NCAM2: variants seen among roughly 807,000 people sequenced by gnomAD.
NCAM2 encodes the protein neural cell adhesion molecule 2, also known as N-CAM-2.
A neutral mutation model predicts 98.1 loss-of-function variants in NCAM2; 30 were observed. The ratio of observed to expected loss-of-function variants is 0.31; its 90% CI spans 0.23 to 0.41. The LOEUF (loss-of-function observed/expected upper bound fraction) is 0.41, where lower values mean the gene tolerates loss of function less well. Among genes scored for constraint, NCAM2 ranks in the 10% least tolerant of loss-of-function variants. The pLI is 1.00. For missense variants in NCAM2, 867 were observed against 1,005.8 expected (o/e 0.86, Z 1.87); for synonymous variants, 368 against 342.4 (o/e 1.07, Z -0.83).
At chr21:21,349,207 A>G (rs923448411) in intron 8 of NCAM2, among the ~76,000 whole-genome samples, 1 of 152,220 alleles carries the variant, frequency 6.6e-6, no homozygotes, top group Non-Finnish European at 1.5e-5. Flanking sequence ...ACCAGAATAT[A>G]TATGGAGCTC....
chr21:21,075,086 GA>G (rs2146380390), intron 1 of NCAM2, among the ~76,000 whole-genome samples: 1 of 152,198 alleles, frequency 6.6e-6, no homozygotes, highest in East Asian at 1.9e-4. Flanking sequence ...CTAACACAGG[GA>G]CAGAAAACCA....
chr21:21,448,576 A>G (rs117348038), intron 12 of NCAM2, among the ~76,000 whole-genome samples: 3,640 of 152,176 alleles, frequency 0.024, 54 homozygotes, highest in Middle Eastern at 0.048. Flanking sequence ...TTAAACTACT[A>G]TACAGATTTT....
chr21:21,335,423 G>T, intron 6 of NCAM2, 82 bp from the exon 7 acceptor site: 1 of 1,178,430 alleles, frequency 8.5e-7, no homozygotes, highest in African/African-American at 1.6e-5. Flanking sequence ...AGTCATCAAT[G>T]CCTATAGATT....
chr21:21,244,448 A>T (rs2071183596), intron 1 of NCAM2, among the ~76,000 whole-genome samples: 1 of 152,180 alleles, frequency 6.6e-6, no homozygotes. Flanking sequence ...AAATTTTGTT[A>T]TCGATAATAC....
At position 21,534,449 on chromosome 21, in the gene NCAM2, A is replaced by T. The variant is rs560692135; in HGVS notation, c.2283-88A>T. On this transcript the variant is annotated intron_variant, in intron 16 of 17. Transcript: ENST00000400546. ...AAGTTGGATTTATTTGGAGGAAGGT[A>T]GAATTGGGTGATTTTAAACTCTGTT... 3 of 1,104,544 alleles carry T rather than the reference A, an allele frequency of 2.7e-6. No individual in the cohort carries two copies. In the East Asian group the frequency reaches 8.3e-5, roughly 31 times the overall value. The allele number at this position is 1,104,544 out of a possible 1,614,324, so 68.4% of individuals were successfully genotyped here. A position where few individuals can be genotyped will look rare whatever the true frequency, so the allele number is the denominator to read the frequency against.
chr21:21,500,625 A>T (rs1987566156), intron 15 of NCAM2, among the ~76,000 whole-genome samples: 1 of 152,132 alleles, frequency 6.6e-6, no homozygotes. Context: ...ATATTTTGGA[A>T]TAATTTTTTT....
intron 1 of NCAM2, among the ~76,000 whole-genome samples, chr21:21,184,351 A>G (rs185078479): frequency 2.0e-5 from 3 of 152,014 alleles, no homozygotes; most frequent in Admixed American, 1.3e-4. Context: ...TCTTTTTATG[A>G]TATCTTCAAA....
chr21:21,001,812 G>A (rs890335000), intron 1 of NCAM2, among the ~76,000 whole-genome samples: 7 of 152,208 alleles, frequency 4.6e-5, no homozygotes, highest in Non-Finnish European at 7.4e-5. Flanking sequence ...AAGGAGGGGT[G>A]AATTGCCCAG....
intron 16 of NCAM2, among the ~76,000 whole-genome samples, chr21:21,513,547 G>T (rs1191983397): frequency 6.6e-6 from 1 of 151,614 alleles, no homozygotes; most frequent in East Asian, 1.9e-4. Context: ...GTTTTCCGTT[G>T]TCAGAAAATA....
intron 1 of NCAM2, among the ~76,000 whole-genome samples, chr21:21,056,515 T>C (rs554582802): frequency 1.3e-4 from 19 of 148,338 alleles, no homozygotes; most frequent in Non-Finnish European, 2.5e-4. Context: ...TGTGTGTGTG[T>C]GTGTGTGTGC....
At chr21:21,500,857 G>A (rs1987583864) in intron 15 of NCAM2, among the ~76,000 whole-genome samples, 1 of 151,924 alleles carries the variant, frequency 6.6e-6, no homozygotes, top group Non-Finnish European at 1.5e-5. Flanking sequence ...ATGTTGAAGA[G>A]TACTATTTTA....
At chr21:21,218,481 ATAAT>A (rs2147119090) in intron 1 of NCAM2, among the ~76,000 whole-genome samples, 1 of 152,352 alleles carries the variant, frequency 6.6e-6, no homozygotes, top group Non-Finnish European at 1.5e-5. Context: ...ATGTCAAAAA[ATAAT>A]TAAGATTGCC....
intron 1 of NCAM2, among the ~76,000 whole-genome samples, chr21:21,008,130 C>T (rs2064144074): frequency 6.6e-6 from 1 of 151,100 alleles, no homozygotes; most frequent in African/African-American, 2.4e-5. Context: ...GAGGTATGTC[C>T]CATATACTTT....
chr21:21,014,001 T>C (rs2064258876), intron 1 of NCAM2, among the ~76,000 whole-genome samples: 1 of 152,184 alleles, frequency 6.6e-6, no homozygotes, highest in African/African-American at 2.4e-5. Context: ...CAGATGATAC[T>C]ATCTAGAAGT....
rs1555902035 is a variant in NCAM2 at position 21,467,428 on chromosome 21, T to TATATATATATATCTTTATA, written c.1774+703_1774+704insATATATATATATCTTTATA. Among the ~76,000 whole-genome samples, 900 of 140,710 alleles carry TATATATATATATCTTTATA rather than the reference T, an allele frequency of 6.4e-3. 9 individuals are homozygous for TATATATATATATCTTTATA. Among genetic ancestry groups the TATATATATATATCTTTATA allele is most frequent in the African/African-American group, 0.023 (838 of 36,020 alleles). 92.3% of individuals were successfully genotyped at this position (140,710 alleles called of 152,430 possible). A position where few individuals can be genotyped will look rare whatever the true frequency, so the allele number is the denominator to read the frequency against. On this transcript the variant is annotated intron_variant, in intron 13 of 17. Transcript: ENST00000400546. ...TGTATATGTGTATATATATATCTTT[T>TATATATATATATCTTTATA]TATATATATATATATGTTAGGACAG...
chr21:21,372,062 A>T (rs2075930145), intron 8 of NCAM2, among the ~76,000 whole-genome samples: 1 of 151,826 alleles, frequency 6.6e-6, no homozygotes, highest in Non-Finnish European at 1.5e-5. Context: ...TGGATTCTAA[A>T]TTTGACAATA....
chr21:21,065,717 C>A (rs1315561388), intron 1 of NCAM2, among the ~76,000 whole-genome samples: 1 of 152,140 alleles, frequency 6.6e-6, no homozygotes, highest in African/African-American at 2.4e-5. Context: ...TTCTAATTAT[C>A]TTCAAGGTCA....
At chr21:21,412,661 TGACACACA>T (rs2076911316) in intron 10 of NCAM2, among the ~76,000 whole-genome samples, 1 of 152,174 alleles carries the variant, frequency 6.6e-6, no homozygotes, top group South Asian at 2.1e-4. Flanking sequence ...TTTGCCTACT[TGACACACA>T]GCCAGGTGAT....
rs566544387 is a variant in NCAM2 at position 21,358,834 on chromosome 21, A to G, written c.1045-15029A>G. ...AAGTCTTCCAGTTGGCTCGGTAAAT[A>G]TTACAAATTTTTAGATAGTTTTTAA... On this transcript the variant is annotated intron_variant, in intron 8 of 17. Coordinates refer to ENST00000400546, the MANE Select transcript of NCAM2 (RefSeq NM_004540.5). Among the ~76,000 whole-genome samples the G allele has an allele frequency of 2.6e-5, 4 of 152,114 alleles. No homozygotes were observed. In the South Asian group the frequency reaches 8.3e-4, roughly 32 times the overall value.
Sources: allele counts gnomAD v4.1 joint callset (sites outside exome capture counted in the v4.1 genomes callset), GRCh38; gene constraint gnomAD v4.1.1; transcripts MANE v1.5; gene names NCBI Gene and HGNC (gene_info 2026-07-23, HGNC 2026-07-21).